The following CA10 variants were observed in gnomAD, a reference collection of about 807,000 sequenced individuals.
CA10 encodes the protein carbonic anhydrase-related protein 10.
In CA10, 14 loss-of-function variants were observed where a neutral mutation model predicts 44.2. That is an observed-to-expected ratio of 0.32 (90% CI 0.21 to 0.50). CA10 has a LOEUF of 0.50. Ranked by LOEUF, CA10 falls within the 20% of genes least tolerant of loss-of-function variation. The pLI, the probability that CA10 is intolerant of heterozygous loss-of-function variation, is 0.99. For synonymous variants in CA10, 159 were observed against 141.6 expected (o/e 1.12, Z -0.87); for missense variants, 350 against 409.7 (o/e 0.85, Z 1.26).
chr17:51,921,165 C>A (rs1368927957), intron 3 of CA10, among the ~76,000 whole-genome samples: 1 of 152,100 alleles, frequency 6.6e-6, no homozygotes, highest in Non-Finnish European at 1.5e-5. Flanking sequence ...CCCATCTAAC[C>A]ACTGCTCATA....
intron 2 of CA10, among the ~76,000 whole-genome samples, chr17:51,999,716 C>T (rs1985357814): frequency 6.6e-6 from 1 of 151,968 alleles, no homozygotes; most frequent in African/African-American, 2.4e-5. Flanking sequence ...TTCAGCTGTC[C>T]TTATAGGTTC....
At position 51,986,748 on chromosome 17, in the gene CA10, A is replaced by G. The variant is rs377106223; in HGVS notation, c.137-55616T>C. On this transcript the variant is annotated intron_variant, in intron 2 of 8. Coordinates refer to ENST00000451037, the MANE Select transcript of CA10 (RefSeq NM_020178.5). The stretch of plus-strand genomic sequence containing the variant: ...GAAGATACACAAATGGCCGACAAAC[A>G]TGAAAAAATACTTAACATGACTAAT... 3.2e-4 allele frequency among the ~76,000 whole-genome samples: 49 copies of G among 152,200 alleles called. No individual in the cohort carries two copies. In the East Asian group the frequency reaches 4.6e-3, roughly 14 times the overall value.
intron 2 of CA10, among the ~76,000 whole-genome samples, chr17:51,963,028 A>G (rs1393558413): frequency 1.3e-5 from 2 of 152,198 alleles, no homozygotes. Context: ...AAACTCCTAA[A>G]TAAATCAATG....
At chr17:51,892,230 C>A (rs1222954746) in intron 3 of CA10, among the ~76,000 whole-genome samples, 1 of 152,176 alleles carries the variant, frequency 6.6e-6, no homozygotes, top group African/African-American at 2.4e-5. Context: ...GATTTGAATC[C>A]AGGCTAGTTG....
At chr17:52,048,407 G>A (rs560062881) in intron 2 of CA10, among the ~76,000 whole-genome samples, 7 of 151,988 alleles carry the variant, frequency 4.6e-5, no homozygotes, top group Admixed American at 4.6e-4. Flanking sequence ...GCCAGGCACC[G>A]TGCAGGCAGT....
intron 3 of CA10, among the ~76,000 whole-genome samples, chr17:51,831,393 T>C (rs538566798): frequency 2.0e-5 from 3 of 152,320 alleles, no homozygotes. Flanking sequence ...ATTCAGATTC[T>C]TGTCATGTGA....
chr17:51,941,146 G>C (rs1343738981), intron 2 of CA10, among the ~76,000 whole-genome samples: 2 of 152,090 alleles, frequency 1.3e-5, no homozygotes, highest in Non-Finnish European at 2.9e-5. Flanking sequence ...AGCTGAGCTG[G>C]TGATTTGAAC....
At chr17:51,887,568 C>T (rs192674139) in intron 3 of CA10, among the ~76,000 whole-genome samples, 36 of 152,282 alleles carry the variant, frequency 2.4e-4, no homozygotes, top group Middle Eastern at 3.4e-3. Context: ...TTTGGTTCAG[C>T]GAATCTGGGT....
At chr17:51,700,510 C>T (rs529843610) in intron 4 of CA10, among the ~76,000 whole-genome samples, 5 of 152,250 alleles carry the variant, frequency 3.3e-5, no homozygotes, top group South Asian at 2.1e-4. Flanking sequence ...TGGGCCTCCA[C>T]GGCACCTGCT....
At chr17:52,055,011 A>G (rs1490595666) in intron 2 of CA10, among the ~76,000 whole-genome samples, 1 of 152,134 alleles carries the variant, frequency 6.6e-6, no homozygotes, top group Non-Finnish European at 1.5e-5. Flanking sequence ...AAACAGGAAA[A>G]GAAATCTCTG....
chr17:52,072,196 G>T, intron 2 of CA10, 123 bp downstream of exon 2: 3 of 638,678 alleles, frequency 4.7e-6, no homozygotes, highest in South Asian at 4.1e-5. Flanking sequence ...TGTCTTGATG[G>T]AGTATTCATT....
intron 3 of CA10, among the ~76,000 whole-genome samples, chr17:51,791,938 C>T (rs957166187): frequency 9.9e-5 from 15 of 151,982 alleles, no homozygotes; most frequent in African/African-American, 3.1e-4. Context: ...ATTCTTTATG[C>T]GTATTTCTGT....
At chr17:51,748,433 T>G (rs1904782469) in intron 3 of CA10, 1 of 974,430 alleles carries the variant, frequency 1.0e-6, no homozygotes. Context: ...TTACTCCTTA[T>G]TCCTGATTCC....
At chr17:51,892,773 T>G (rs1361450766) in intron 3 of CA10, among the ~76,000 whole-genome samples, 2 of 152,182 alleles carry the variant, frequency 1.3e-5, no homozygotes, top group African/African-American at 4.8e-5. Context: ...TTATACTCCT[T>G]TCTTCCTGCT....
chr17:51,653,217 C>T (rs1913644307), intron 5 of CA10, among the ~76,000 whole-genome samples: 1 of 152,132 alleles, frequency 6.6e-6, no homozygotes, highest in Admixed American at 6.5e-5. Context: ...AGTGCAGTGC[C>T]TGGAGGGGAG....
chr17:51,796,468 T>C (rs147843531), intron 3 of CA10, among the ~76,000 whole-genome samples: 45 of 152,280 alleles, frequency 3.0e-4, no homozygotes, highest in African/African-American at 9.6e-4. Flanking sequence ...GAGAAATCTA[T>C]ATTCTATGGG....
chr17:52,127,882 A>G (rs897654362), intron 1 of CA10, among the ~76,000 whole-genome samples: 10 of 152,230 alleles, frequency 6.6e-5, no homozygotes, highest in Non-Finnish European at 1.2e-4. Flanking sequence ...TGACCATTAA[A>G]ATCGTTCTTT....
intron 6 of CA10, 57 bp downstream of exon 6, chr17:51,649,125 C>T: frequency 7.7e-7 from 1 of 1,293,744 alleles, no homozygotes; most frequent in South Asian, 1.2e-5. Flanking sequence ...TTCCCGCCTT[C>T]AGGCAGGTCT....
chr17:52,062,734 A>G (rs1338290616), intron 2 of CA10, among the ~76,000 whole-genome samples: 1 of 152,176 alleles, frequency 6.6e-6, no homozygotes, highest in Admixed American at 6.5e-5. Context: ...AGAATGCAAG[A>G]GCAGTGGAAG....
Sources: allele counts gnomAD v4.1 joint callset (sites outside exome capture counted in the v4.1 genomes callset), GRCh38; gene constraint gnomAD v4.1.1; transcripts MANE v1.5; gene names NCBI Gene and HGNC (gene_info 2026-07-23, HGNC 2026-07-21).